SDK1: variants seen among roughly 807,000 people sequenced by gnomAD.
The protein encoded by SDK1 is protein sidekick-1.
SDK1 carries 157 observed loss-of-function variants against 245.5 expected under a neutral mutation model. That is an observed-to-expected ratio of 0.64 (90% CI 0.56 to 0.73). The LOEUF is 0.73. Ranked by LOEUF, SDK1 falls within the 30% of genes least tolerant of loss-of-function variation. The probability of loss-of-function intolerance (pLI) is 0.00; values close to 1 mark genes in which losing one functional copy is unlikely to be tolerated. For missense variants in SDK1, 3,583 were observed against 3,002.3 expected (o/e 1.19, Z -4.52); for synonymous variants, 1,647 against 1,278.5 (o/e 1.29, Z -6.15).
intron 16 of SDK1, among the ~76,000 whole-genome samples, chr7:4,014,976 C>A (rs1786279770): frequency 6.6e-6 from 1 of 151,986 alleles, no homozygotes; most frequent in Non-Finnish European, 1.5e-5. Context: ...TTAAGAGTGG[C>A]CCCAGAGAAG....
intron 44 of SDK1, among the ~76,000 whole-genome samples, chr7:4,260,356 A>G (rs901272701): frequency 2.6e-5 from 3 of 117,156 alleles, no homozygotes; most frequent in Non-Finnish European, 5.2e-5. Context: ...GTGTGGGAAG[A>G]TGTGTTCATC....
At chr7:3,734,361 A>C (rs902193661) in intron 4 of SDK1, among the ~76,000 whole-genome samples, 11 of 152,204 alleles carry the variant, frequency 7.2e-5, no homozygotes, top group Admixed American at 4.6e-4. Context: ...AGAATGTTGA[A>C]TTTGTCTTTA....
chr7:3,801,859 A>T (rs372938825), intron 4 of SDK1, among the ~76,000 whole-genome samples: 2 of 152,058 alleles, frequency 1.3e-5, no homozygotes, highest in South Asian at 4.1e-4. Context: ...TCGATTCTCA[A>T]ACTCCAACAT....
At chr7:3,965,537 G>A (rs1194374458) in intron 9 of SDK1, among the ~76,000 whole-genome samples, 1 of 152,158 alleles carries the variant, frequency 6.6e-6, no homozygotes, top group Non-Finnish European at 1.5e-5. Context: ...AAAGGAAAAT[G>A]TGCTTTAAAA....
chr7:3,800,530 C>T (rs1330827563), intron 4 of SDK1, among the ~76,000 whole-genome samples: 1 of 151,970 alleles, frequency 6.6e-6, no homozygotes, highest in African/African-American at 2.4e-5. Context: ...TACAGGTGCC[C>T]ACCACCACAC....
chr7:3,871,114 C>T (rs1307550913), intron 5 of SDK1, among the ~76,000 whole-genome samples: 1 of 151,456 alleles, frequency 6.6e-6, no homozygotes, highest in African/African-American at 2.4e-5. Context: ...AGATCCTGCA[C>T]ATATGTCAAT....
chr7:4,211,645 T>G (rs902805398), intron 38 of SDK1, among the ~76,000 whole-genome samples: 21 of 152,196 alleles, frequency 1.4e-4, no homozygotes, highest in African/African-American at 5.1e-4. Flanking sequence ...AGTCTTGCTC[T>G]GTCTCCCAGG....
intron 4 of SDK1, among the ~76,000 whole-genome samples, chr7:3,663,508 C>A (rs962260760): frequency 1.3e-5 from 2 of 152,118 alleles, no homozygotes; most frequent in African/African-American, 4.8e-5. Flanking sequence ...GTTTGTTCTT[C>A]AGCTGAGGGA....
rs1430179884 is a variant in SDK1 at position 4,208,111 on chromosome 7, G to A, written c.5227G>A (p.Glu1743Lys). ...CTGTTCCTAACAGATTTACTACTGG[G>A]AGGCAGACAGCCAGAACGAAACGGA... is the stretch of plus-strand genomic sequence containing the variant. ...NIQGYKIYYWEADSQNETEKM... is the reference protein window; with the variant it reads ...NIQGYKIYYWKADSQNETEKM... Residue 1743 changes from glutamate to lysine, a missense_variant, in exon 37 of 45, where the codon GAG becomes AAG. Physicochemically the swap from Glu to Lys is moderately conservative, Grantham distance 56 (BLOSUM62 1). Coordinates refer to ENST00000404826, the MANE Select transcript of SDK1 (RefSeq NM_152744.4). The A allele has an allele frequency of 6.2e-7, 1 of 1,613,044 alleles. No individual in the cohort carries two copies. The highest frequency in any genetic ancestry group is 8.5e-7 in the Non-Finnish European group (1 of 1,179,570).
At chr7:3,333,713 G>T (rs185691223) in intron 1 of SDK1, among the ~76,000 whole-genome samples, 9 of 152,166 alleles carry the variant, frequency 5.9e-5, no homozygotes, top group African/African-American at 2.2e-4. Flanking sequence ...CAACTTTGAC[G>T]ATGGTATTGG....
At chr7:3,334,948 C>G (rs4722696) in intron 1 of SDK1, among the ~76,000 whole-genome samples, 69,086 of 151,928 alleles carry the variant, frequency 0.45, 15,753 homozygotes, top group East Asian at 0.55. Context: ...TACCCAGTAA[C>G]TCAGGCCCCA....
intron 5 of SDK1, among the ~76,000 whole-genome samples, chr7:3,917,455 C>G (rs1779424173): frequency 6.6e-6 from 1 of 152,164 alleles, no homozygotes; most frequent in African/African-American, 2.4e-5. Context: ...ACGGGCTGCA[C>G]TTTGGGGCAC....
At chr7:3,625,286 C>G (rs924791668) in intron 2 of SDK1, among the ~76,000 whole-genome samples, 1 of 152,114 alleles carries the variant, frequency 6.6e-6, no homozygotes, top group African/African-American at 2.4e-5. Flanking sequence ...GATAAATTTA[C>G]AAATATTTAC....
intron 4 of SDK1, among the ~76,000 whole-genome samples, chr7:3,686,216 C>T (rs1166118752): frequency 6.6e-6 from 1 of 152,198 alleles, no homozygotes. Context: ...GCTGGGATTA[C>T]AGGCATCTGC....
At chr7:3,324,819 C>G (rs1779901478) in intron 1 of SDK1, among the ~76,000 whole-genome samples, 1 of 151,980 alleles carries the variant, frequency 6.6e-6, no homozygotes, top group Non-Finnish European at 1.5e-5. Flanking sequence ...AAACCTATGC[C>G]CAGGAAAAAG....
At chr7:3,572,318 C>A (rs554894768) in intron 1 of SDK1, among the ~76,000 whole-genome samples, 2 of 151,964 alleles carry the variant, frequency 1.3e-5, no homozygotes, top group African/African-American at 4.8e-5. Context: ...GATGGCAGTT[C>A]TAGGCAAAAA....
At chr7:3,356,594 AC>A (rs1780801933) in intron 1 of SDK1, among the ~76,000 whole-genome samples, 2 of 152,176 alleles carry the variant, frequency 1.3e-5, no homozygotes, top group Non-Finnish European at 2.9e-5. Flanking sequence ...ATTTTATCTG[AC>A]CAAGAAAGTA....
At chr7:3,853,595 A>G (rs1338983459) in intron 5 of SDK1, among the ~76,000 whole-genome samples, 1 of 152,186 alleles carries the variant, frequency 6.6e-6, no homozygotes, top group Non-Finnish European at 1.5e-5. Flanking sequence ...GAATATTTGC[A>G]GAATACATAC....
intron 5 of SDK1, among the ~76,000 whole-genome samples, chr7:3,849,491 A>G (rs1391013973): frequency 6.6e-6 from 1 of 152,222 alleles, no homozygotes; most frequent in Non-Finnish European, 1.5e-5. Context: ...GTCTTTAGGA[A>G]GGTAATTTTT....
Sources: gnomAD v4.1 joint callset for allele counts (sites outside exome capture counted in the v4.1 genomes callset) on GRCh38, gnomAD v4.1.1 for gene constraint, MANE v1.5 for transcripts, NCBI Gene and HGNC (gene_info 2026-07-23, HGNC 2026-07-21) for gene names.